AUNIP: variants seen among roughly 807,000 people sequenced by gnomAD.
AUNIP encodes the protein aurora kinase A and ninein interacting protein.
Under a neutral mutation model 12.2 loss-of-function variants are expected in AUNIP, and 16 were observed. The observed-to-expected ratio is 1.31, with a 90% CI of 0.88 to 1.99. The LOEUF (loss-of-function observed/expected upper bound fraction) is 1.99, where lower values mean the gene tolerates loss of function less well. Ranked by LOEUF, AUNIP falls within the 30% of genes most tolerant of loss-of-function variation. The pLI, the probability that AUNIP is intolerant of heterozygous loss-of-function variation, is 0.00. For synonymous variants in AUNIP, 142 were observed against 154.8 expected (o/e 0.92, Z 0.61); for missense variants, 411 against 419.1 (o/e 0.98, Z 0.17).
chr1:25,851,836 G>A (rs2048425760), intron 1 of AUNIP, among the ~76,000 whole-genome samples: 1 of 152,152 alleles, frequency 6.6e-6, no homozygotes, highest in Admixed American at 6.5e-5. Flanking sequence ...CCGGGTTCAA[G>A]TGATTCTCCT....
At chr1:25,841,360 G>T (rs1037320865) in intron 1 of AUNIP, among the ~76,000 whole-genome samples, 3 of 152,162 alleles carry the variant, frequency 2.0e-5, no homozygotes, top group African/African-American at 7.2e-5. Flanking sequence ...ACACTTTGAA[G>T]ATGTGTTTTT....
chr1:25,837,669 C>G (rs2048314250), intron 1 of AUNIP, 115 bp from the exon 2 acceptor site: 2 of 1,021,568 alleles, frequency 2.0e-6, no homozygotes, highest in Admixed American at 2.6e-5. Flanking sequence ...CTGTACTCCA[C>G]TTATAGCCTA....
At chr1:25,844,784 C>T (rs987352200) in intron 1 of AUNIP, among the ~76,000 whole-genome samples, 4 of 152,098 alleles carry the variant, frequency 2.6e-5, no homozygotes, top group Admixed American at 1.3e-4. Context: ...TCCCAGGGCC[C>T]CTACTCATTC....
chr1:25,856,653 C>G (rs980521438), intron 1 of AUNIP, among the ~76,000 whole-genome samples: 5 of 152,036 alleles, frequency 3.3e-5, no homozygotes, highest in African/African-American at 1.2e-4. Flanking sequence ...CCAGCCCGGG[C>G]AACAAGAGCA....
At chr1:25,858,262 G>A (rs556722036) in intron 1 of AUNIP, among the ~76,000 whole-genome samples, 1 of 152,334 alleles carries the variant, frequency 6.6e-6, no homozygotes, top group East Asian at 1.9e-4. Context: ...GAATTTTGGT[G>A]AGTACCTGCC....
At chr1:25,848,471 GA>G (rs2048400376) in intron 1 of AUNIP, among the ~76,000 whole-genome samples, 1 of 59,346 alleles carries the variant, frequency 1.7e-5, no homozygotes, top group African/African-American at 8.4e-5. Context: ...AAAAATTTTT[GA>G]AACTCCGTCT....
chr1:25,859,200 G>A (rs1288333745), intron 1 of AUNIP, 80 bp downstream of exon 1: 3 of 1,425,508 alleles, frequency 2.1e-6, no homozygotes, highest in East Asian at 2.6e-5. Context: ...ATCATCTCCA[G>A]GTGTCCCCCA....
chr1:25,832,096 G>T (rs1020252364), downstream of AUNIP: 5 of 1,611,534 alleles, frequency 3.1e-6, no homozygotes, highest in Non-Finnish European at 4.2e-6. Context: ...CCTCACCGCA[G>T]ATGTTTCTGC....
intron 1 of AUNIP, among the ~76,000 whole-genome samples, chr1:25,838,892 G>A (rs2124498268): frequency 6.6e-6 from 1 of 152,308 alleles, no homozygotes; most frequent in East Asian, 1.9e-4. Flanking sequence ...CAAGTTAGAG[G>A]TAGGCCTGAA....
At chr1:25,832,238 CA>C (rs1267323824), downstream of AUNIP, 1 of 1,399,122 alleles carries the variant, frequency 7.1e-7, no homozygotes, top group Non-Finnish European at 9.8e-7. Flanking sequence ...TGACCTGAGA[CA>C]TTTGTTTCAG....
At chr1:25,845,848 T>C (rs2048379552) in intron 1 of AUNIP, among the ~76,000 whole-genome samples, 1 of 152,212 alleles carries the variant, frequency 6.6e-6, no homozygotes, top group South Asian at 2.1e-4. Context: ...CAAGCTAAGA[T>C]GAGCTCCTGT....
At chr1:25,848,403 A>G (rs2048399399) in intron 1 of AUNIP, among the ~76,000 whole-genome samples, 1 of 145,088 alleles carries the variant, frequency 6.9e-6, no homozygotes, top group African/African-American at 2.6e-5. Flanking sequence ...AATCGCTTGA[A>G]CCCAGGAGGC....
Position 25,834,142 on chromosome 1 carries a change from A to G in AUNIP, c.*851T>C. On this transcript the variant is annotated 3_prime_UTR_variant, in exon 3 of 3. Transcript: ENST00000374298. The stretch of plus-strand genomic sequence containing the variant: ...TAAGGGAGATATTTAAACATAGAGT[A>G]TATAACTTTAAAGTGCTGTACAGTT... 1.0e-6 allele frequency: 1 copy of G among 985,114 alleles called. No homozygotes were observed. 61.0% of individuals were successfully genotyped at this position (985,114 alleles called of 1,614,324 possible). A position where few individuals can be genotyped will look rare whatever the true frequency, so the allele number is the denominator to read the frequency against.
chr1:25,845,236 A>C lies in AUNIP; in HGVS notation c.79-7682T>G, dbSNP rs77366455. On this transcript the variant is annotated intron_variant, in intron 1 of 2. Coordinates refer to ENST00000374298, the MANE Select transcript of AUNIP (RefSeq NM_024037.3). ...CCTATTTCAATTCATCCCCCACATA[A>C]CTTCTAGATTAATCTCAAAGTACAG... Among the ~76,000 whole-genome samples the C allele has an allele frequency of 3.3e-3, 495 of 152,112 alleles. 6 individuals carry two copies. Among genetic ancestry groups the C allele is most frequent in the African/African-American group, 0.012 (483 of 41,482 alleles).
intron 2 of AUNIP, 148 bp from the exon 3 acceptor site, chr1:25,835,994 TC>T: frequency 7.9e-7 from 1 of 1,270,628 alleles, no homozygotes; most frequent in East Asian, 2.5e-5. Flanking sequence ...TAGCCAATCT[TC>T]CTGTTTTCAA....
chr1:25,853,620 A>G (rs573550591), intron 1 of AUNIP, among the ~76,000 whole-genome samples: 44 of 149,860 alleles, frequency 2.9e-4, no homozygotes, highest in Non-Finnish European at 5.3e-4. Flanking sequence ...AAACAAAAAC[A>G]AAACAAAAAA....
At chr1:25,850,220 C>T (rs992075734) in intron 1 of AUNIP, among the ~76,000 whole-genome samples, 2 of 152,014 alleles carry the variant, frequency 1.3e-5, no homozygotes, top group Non-Finnish European at 2.9e-5. Flanking sequence ...AAAACAACAA[C>T]AACAACAACA....
intron 1 of AUNIP, 131 bp downstream of exon 1, chr1:25,859,149 T>C (rs2048486242): frequency 2.1e-6 from 2 of 953,310 alleles, no homozygotes; most frequent in African/African-American, 1.7e-5. Context: ...CGCCTGTGAA[T>C]CCCCAACGCT....
At chr1:25,852,531 C>T (rs1249015421) in intron 1 of AUNIP, among the ~76,000 whole-genome samples, 1 of 150,704 alleles carries the variant, frequency 6.6e-6, no homozygotes, top group Non-Finnish European at 1.5e-5. Flanking sequence ...CCTCCGCCTC[C>T]TGGGTTCAAG....
Sources: allele counts gnomAD v4.1 joint callset (sites outside exome capture counted in the v4.1 genomes callset), GRCh38; gene constraint gnomAD v4.1.1; transcripts MANE v1.5; gene names NCBI Gene and HGNC (gene_info 2026-07-23, HGNC 2026-07-21).